Variants in MPPED1 observed in about 807,000 individuals in gnomAD.
MPPED1 encodes the protein metallophosphoesterase domain-containing protein 1.
Under a neutral mutation model 36.2 loss-of-function variants are expected in MPPED1, and 16 were observed. The observed-to-expected ratio is 0.44, with a 90% CI of 0.30 to 0.67. MPPED1 has a LOEUF of 0.67. Among genes scored for constraint, MPPED1 ranks in the 30% least tolerant of loss-of-function variants. The pLI, the probability that MPPED1 is intolerant of heterozygous loss-of-function variation, is 0.10. For missense variants in MPPED1, 307 were observed against 453.4 expected (o/e 0.68, Z 2.93); for synonymous variants, 199 against 191.3 (o/e 1.04, Z -0.33).
intron 3 of MPPED1, among the ~76,000 whole-genome samples, chr22:43,457,297 A>T (rs1226693548): frequency 6.6e-6 from 1 of 151,794 alleles, no homozygotes; most frequent in African/African-American, 2.4e-5. Flanking sequence ...CTTCAAATCT[A>T]TTTTTTTCTG....
rs1929794213 is a variant in MPPED1, at chr22:43,432,832, A to AGAGAGAGAGAAAGGGAG, written c.225-2174_225-2158dup. On this transcript the variant is annotated intron_variant, in intron 2 of 6. Coordinates refer to ENST00000443721, the MANE Select transcript of MPPED1 (RefSeq NM_001044370.2). Reference sequence around the variant, plus strand: ...GGGAGGAGAGAGAGAGAAAGGGAGGAGAGAGAGAGAAAGGGAGGAGAGAGA... The same window carrying AGAGAGAGAGAAAGGGAG: ...GGGAGGAGAGAGAGAGAAAGGGAGGAGAGAGAGAGAAAGGGAGGAGAGAGAGAAAGGGAGGAGAGAGA... Among the ~76,000 whole-genome samples, 29 of 15,304 alleles carry AGAGAGAGAGAAAGGGAG rather than the reference A, an allele frequency of 1.9e-3. 1 individual carries two copies. The highest frequency in any genetic ancestry group is 3.6e-3 in the Non-Finnish European group (15 of 4,216). The allele number at this position is 15,304 out of a possible 152,430, so 10.0% of individuals were successfully genotyped here.
chr22:43,484,423 G>A (rs1008457263), intron 4 of MPPED1, among the ~76,000 whole-genome samples: 12 of 152,142 alleles, frequency 7.9e-5, no homozygotes, highest in African/African-American at 2.2e-4. Flanking sequence ...GGCCTTGGCC[G>A]TCCAGTGGGC....
At chr22:43,448,823 G>A (rs531351642) in intron 3 of MPPED1, among the ~76,000 whole-genome samples, 17 of 152,080 alleles carry the variant, frequency 1.1e-4, no homozygotes, top group African/African-American at 3.9e-4. Context: ...AGCTGGTCTC[G>A]AACTCCTGAC....
intron 4 of MPPED1, among the ~76,000 whole-genome samples, chr22:43,495,493 A>AGTGGTGGTGGAGGTG (rs1569088649): frequency 1.3e-4 from 1 of 7,976 alleles, no homozygotes. Flanking sequence ...TGGTGGAGGT[A>AGTGGTGGTGGAGGTG]GTGGTGGTGG....
At chr22:43,479,446 G>T (rs1253584507) in intron 4 of MPPED1, among the ~76,000 whole-genome samples, 1 of 152,242 alleles carries the variant, frequency 6.6e-6, no homozygotes, top group Non-Finnish European at 1.5e-5. Flanking sequence ...GAGGTAGACG[G>T]CAGAGCAGAG....
At chr22:43,467,721 C>T (rs992940422) in intron 3 of MPPED1, among the ~76,000 whole-genome samples, 4 of 152,346 alleles carry the variant, frequency 2.6e-5, no homozygotes, top group East Asian at 3.9e-4. Flanking sequence ...TTCCATCCCC[C>T]TCTGCTGTGT....
intron 4 of MPPED1, among the ~76,000 whole-genome samples, chr22:43,483,970 G>A (rs1490932799): frequency 6.6e-6 from 1 of 152,250 alleles, no homozygotes; most frequent in African/African-American, 2.4e-5. Context: ...GCCCTCTGGG[G>A]CCCAGTGTAC....
intron 3 of MPPED1, among the ~76,000 whole-genome samples, chr22:43,452,623 A>G (rs1378634116): frequency 2.0e-5 from 3 of 152,264 alleles, no homozygotes; most frequent in Middle Eastern, 3.4e-3. Context: ...CCTTGGCTTT[A>G]GGAATAAATA....
At chr22:43,422,416 C>A (rs1355167159) in intron 1 of MPPED1, among the ~76,000 whole-genome samples, 3 of 152,154 alleles carry the variant, frequency 2.0e-5, no homozygotes, top group Admixed American at 6.5e-5. Context: ...TGCAAGAGGC[C>A]ACCGGGGGCC....
intron 3 of MPPED1, among the ~76,000 whole-genome samples, chr22:43,439,065 TAAGAC>T (rs367609004): frequency 6.6e-6 from 1 of 152,250 alleles, no homozygotes; most frequent in African/African-American, 2.4e-5. Context: ...ACCTACCGTA[TAAGAC>T]AAGACAAGAC....
chr22:43,468,244 G>A (rs1239966317), intron 3 of MPPED1, among the ~76,000 whole-genome samples: 1 of 152,232 alleles, frequency 6.6e-6, no homozygotes, highest in Non-Finnish European at 1.5e-5. Flanking sequence ...GGGGAAGATG[G>A]TCTGAATGTT....
At chr22:43,483,099 C>T (rs1213449879) in intron 4 of MPPED1, among the ~76,000 whole-genome samples, 1 of 152,236 alleles carries the variant, frequency 6.6e-6, no homozygotes, top group Non-Finnish European at 1.5e-5. Context: ...GGGAACTGAA[C>T]AAGCTGGGCC....
chr22:43,500,101 T>C (rs1175073119), intron 5 of MPPED1, among the ~76,000 whole-genome samples: 5 of 111,324 alleles, frequency 4.5e-5, no homozygotes, highest in Non-Finnish European at 7.6e-5. Flanking sequence ...ATGGAGGTGG[T>C]AGTGGGGGTG....
intron 2 of MPPED1, among the ~76,000 whole-genome samples, chr22:43,428,387 G>T (rs1475217589): frequency 6.6e-6 from 1 of 152,204 alleles, no homozygotes; most frequent in Non-Finnish European, 1.5e-5. Flanking sequence ...ACACAGCTGG[G>T]TAAAGCCAGG....
chr22:43,456,493 C>T (rs183026386), intron 3 of MPPED1, among the ~76,000 whole-genome samples: 148 of 152,154 alleles, frequency 9.7e-4, no homozygotes, highest in African/African-American at 1.5e-3. Context: ...CAGTTTGTTA[C>T]GTGTTTTTTG....
chr22:43,422,204 G>A (rs1055076603), intron 1 of MPPED1, among the ~76,000 whole-genome samples: 1 of 152,228 alleles, frequency 6.6e-6, no homozygotes, highest in Non-Finnish European at 1.5e-5. Context: ...GCTAGGTCTG[G>A]GGGCCCAGCC....
chr22:43,415,657 A>G lies in MPPED1; in HGVS notation c.-79+3499A>G, dbSNP rs557720747. Among the ~76,000 whole-genome samples the G allele has an allele frequency of 2.6e-5, 4 of 152,300 alleles. No individual in the cohort carries two copies. The South Asian group carries it at 8.3e-4, about 32-fold the overall frequency. ...TTAATGTCAGAACCAGGTCATCATC[A>G]TAAATAGAAGCAGCTGCGGGAAAAA... On this transcript the variant is annotated intron_variant, in intron 1 of 6. Coordinates refer to ENST00000443721, the MANE Select transcript of MPPED1 (RefSeq NM_001044370.2).
chr22:43,479,833 G>A (rs553671404), intron 4 of MPPED1, among the ~76,000 whole-genome samples: 4 of 152,320 alleles, frequency 2.6e-5, no homozygotes, highest in African/African-American at 9.6e-5. Context: ...TTACCACTAA[G>A]AGATACTCTG....
chr22:43,436,140 G>A (rs891728237), intron 3 of MPPED1, among the ~76,000 whole-genome samples: 1 of 152,216 alleles, frequency 6.6e-6, no homozygotes, highest in African/African-American at 2.4e-5. Context: ...AAACCTAGGG[G>A]ACCCCCTGGG....
Sources: allele counts gnomAD v4.1 joint callset (sites outside exome capture counted in the v4.1 genomes callset), GRCh38; gene constraint gnomAD v4.1.1; transcripts MANE v1.5; gene names NCBI Gene and HGNC (gene_info 2026-07-23, HGNC 2026-07-21).